The following DISC1 variants were observed in gnomAD, a reference collection of about 807,000 sequenced individuals.
DISC1 encodes the protein DISC1 scaffold protein, also known as disrupted in schizophrenia 1 protein.
In DISC1, 57 loss-of-function variants were observed where a neutral mutation model predicts 84.5. The observed-to-expected ratio is 0.67, with a 90% CI of 0.55 to 0.84. The LOEUF is 0.84. DISC1 is among the 40% of genes least tolerant of loss of function. DISC1 has a pLI of 0.00. For synonymous variants in DISC1, 411 were observed against 415.2 expected (o/e 0.99, Z 0.12); for missense variants, 1,000 against 1,057.8 (o/e 0.95, Z 0.76).
intron 9 of DISC1, among the ~76,000 whole-genome samples, chr1:231,910,084 T>C (rs2089064017): frequency 6.6e-6 from 1 of 152,224 alleles, no homozygotes; most frequent in African/African-American, 2.4e-5. Context: ...TTTATTAGTC[T>C]TGCTAGCGGT....
chr1:231,827,915 A>T (rs762181506), intron 9 of DISC1, among the ~76,000 whole-genome samples: 2 of 152,202 alleles, frequency 1.3e-5, no homozygotes, highest in Non-Finnish European at 2.9e-5. Flanking sequence ...TCAAAAATTT[A>T]TGAGGCAGGT....
chr1:231,726,688 C>A (rs1332870242), intron 3 of DISC1, among the ~76,000 whole-genome samples: 1 of 152,172 alleles, frequency 6.6e-6, no homozygotes, highest in Admixed American at 6.5e-5. Flanking sequence ...GATAGTATCA[C>A]CCCAGAATGT....
chr1:231,924,620 A>T (rs563163180), intron 9 of DISC1, among the ~76,000 whole-genome samples: 18 of 152,074 alleles, frequency 1.2e-4, no homozygotes, highest in Middle Eastern at 3.4e-3. Context: ...GAGTGAAGTT[A>T]CTGCCCATGA....
At chr1:231,743,197 T>C (rs1268054718) in intron 3 of DISC1, among the ~76,000 whole-genome samples, 1 of 152,218 alleles carries the variant, frequency 6.6e-6, no homozygotes, top group Non-Finnish European at 1.5e-5. Flanking sequence ...AAGACAGTGC[T>C]TAATGATATT....
intron 9 of DISC1, among the ~76,000 whole-genome samples, chr1:231,820,494 G>T (rs2081408382): frequency 6.6e-6 from 1 of 152,142 alleles, no homozygotes; most frequent in South Asian, 2.1e-4. Flanking sequence ...GCAATATGTA[G>T]TATTCTTAAA....
In DISC1 at chr1:231,763,127, T is replaced by C. The variant is rs149267682; in HGVS notation, c.1269-4013T>C. 8.5e-4 allele frequency among the ~76,000 whole-genome samples: 130 copies of C among 152,212 alleles called. No individual in the cohort carries two copies. In the Middle Eastern group the frequency reaches 0.01, roughly 12 times the overall value. On this transcript the variant is annotated intron_variant, in intron 4 of 12. Transcript: ENST00000439617. The stretch of plus-strand genomic sequence containing the variant: ...GGGAGATGGAAGTTCCTGGGCTTGC[T>C]GAGAACCTAATGGTGTGTGGTATCT...
intron 1 of DISC1, among the ~76,000 whole-genome samples, chr1:231,684,510 A>G (rs1433700114): frequency 6.6e-6 from 1 of 152,150 alleles, no homozygotes; most frequent in East Asian, 1.9e-4. Context: ...TTGTTTGAGA[A>G]TAATACAGTA....
At chr1:232,023,980 A>G (rs907347468) in intron 11 of DISC1, among the ~76,000 whole-genome samples, 8 of 151,318 alleles carry the variant, frequency 5.3e-5, no homozygotes, top group African/African-American at 1.9e-4. Context: ...CCTACCCTCA[A>G]TTTCATATCT....
At chr1:231,996,827 C>T (rs1666024957) in intron 10 of DISC1, among the ~76,000 whole-genome samples, 1 of 152,160 alleles carries the variant, frequency 6.6e-6, no homozygotes, top group Non-Finnish European at 1.5e-5. Flanking sequence ...AACTTACCCC[C>T]AAACACTGAA....
At chr1:231,735,888 C>T in intron 3 of DISC1, among the ~76,000 whole-genome samples, 1 of 152,190 alleles carries the variant, frequency 6.6e-6, no homozygotes, top group East Asian at 1.9e-4. Flanking sequence ...TATCGGCTCA[C>T]TGCAACCTCT....
At chr1:232,027,776 T>C (rs1018333775) in intron 12 of DISC1, among the ~76,000 whole-genome samples, 2 of 150,590 alleles carry the variant, frequency 1.3e-5, no homozygotes, top group Admixed American at 1.3e-4. Flanking sequence ...ATTCCAGTTT[T>C]TACCATACTT....
intron 6 of DISC1, among the ~76,000 whole-genome samples, chr1:231,779,294 T>G (rs1163270269): frequency 6.6e-6 from 1 of 152,190 alleles, no homozygotes; most frequent in Non-Finnish European, 1.5e-5. Flanking sequence ...GTAACTTTCT[T>G]CTGATACAAA....
At chr1:231,901,756 G>C (rs2088198601) in intron 9 of DISC1, among the ~76,000 whole-genome samples, 1 of 152,154 alleles carries the variant, frequency 6.6e-6, no homozygotes, top group Non-Finnish European at 1.5e-5. Flanking sequence ...TAATCATGCA[G>C]TGTATTGCTT....
At chr1:231,957,978 G>A (rs967280654) in intron 9 of DISC1, among the ~76,000 whole-genome samples, 8 of 152,126 alleles carry the variant, frequency 5.3e-5, no homozygotes, top group Admixed American at 1.3e-4. Context: ...AATAAAGGTT[G>A]TAATAAAAAC....
intron 6 of DISC1, among the ~76,000 whole-genome samples, chr1:231,794,882 G>T (rs568611889): frequency 6.6e-6 from 1 of 152,224 alleles, no homozygotes; most frequent in East Asian, 1.9e-4. Context: ...ATTCCCTGCT[G>T]GTGAGACACT....
At chr1:231,695,610 G>A (rs557247318) in intron 2 of DISC1, among the ~76,000 whole-genome samples, 1 of 142,696 alleles carries the variant, frequency 7.0e-6, no homozygotes, top group South Asian at 2.2e-4. Flanking sequence ...TGTGCATGTA[G>A]GTGTGCCTGT....
chr1:231,907,131 CTCTT>C (rs1258067740), intron 9 of DISC1, among the ~76,000 whole-genome samples: 1,046 of 93,180 alleles, frequency 0.011, 22 homozygotes, highest in African/African-American at 0.022. Flanking sequence ...TCCTTCCTTC[CTCTT>C]TCTTTCTTTC....
At chr1:231,746,410 TG>T (rs2073987839) in intron 3 of DISC1, among the ~76,000 whole-genome samples, 1 of 152,176 alleles carries the variant, frequency 6.6e-6, no homozygotes. Flanking sequence ...TGCAAGAACA[TG>T]GGGGTGTAGA....
rs1670713571 is a variant in DISC1, at chr1:232,039,996, T to C, written c.*3165T>C. On this transcript the variant is annotated 3_prime_UTR_variant, in exon 13 of 13. Coordinates refer to ENST00000439617, the MANE Select transcript of DISC1 (RefSeq NM_018662.3). ...TTCCATCCAACTTTCTGAAATTTCA[T>C]TTTTTTTTTTGAGATGGAGTCTCTC... 1 of 147,858 alleles carries C rather than the reference T, an allele frequency of 6.8e-6. No homozygotes were observed. The highest frequency in any genetic ancestry group is 1.5e-5 in the Non-Finnish European group (1 of 66,500). 9.2% of individuals were successfully genotyped at this position (147,858 alleles called of 1,614,324 possible). A position where few individuals can be genotyped will look rare whatever the true frequency, so the allele number is the denominator to read the frequency against.
Sources: allele counts gnomAD v4.1 joint callset (sites outside exome capture counted in the v4.1 genomes callset), GRCh38; gene constraint gnomAD v4.1.1; transcripts MANE v1.5; gene names NCBI Gene and HGNC (gene_info 2026-07-23, HGNC 2026-07-21).